Variants in CCDC66 observed in about 807,000 individuals in gnomAD.
CCDC66 encodes coiled-coil domain-containing protein 66.
CCDC66 carries 133 observed loss-of-function variants against 128.3 expected under a neutral mutation model. The ratio of observed to expected loss-of-function variants is 1.04; its 90% CI spans 0.90 to 1.20. The LOEUF (loss-of-function observed/expected upper bound fraction) is 1.20, where lower values mean the gene tolerates loss of function less well. Among genes scored for constraint, CCDC66 ranks in the 50% most tolerant of loss-of-function variants. The pLI is 0.00. For missense variants in CCDC66, 1,126 were observed against 1,075.5 expected (o/e 1.05, Z -0.66); for synonymous variants, 387 against 357.0 (o/e 1.08, Z -0.95).
At chr3:56,582,194 G>T (rs951951783) in intron 7 of CCDC66, among the ~76,000 whole-genome samples, 35 of 151,924 alleles carry the variant, frequency 2.3e-4, no homozygotes, top group African/African-American at 8.2e-4. Flanking sequence ...AGGCTCCGTG[G>T]GCGTGGGACC....
At chr3:56,596,711 A>G (rs369323622) in intron 10 of CCDC66, among the ~76,000 whole-genome samples, 10 of 149,738 alleles carry the variant, frequency 6.7e-5, no homozygotes, top group African/African-American at 2.5e-4. Flanking sequence ...TTCTTCTAGT[A>G]GGTTTACATT....
chr3:56,572,454 G>T, intron 7 of CCDC66: 1 of 1,148,810 alleles, frequency 8.7e-7, no homozygotes, highest in Non-Finnish European at 1.1e-6. Context: ...CAGTACTTTG[G>T]ATATTTAAAC....
At chr3:56,601,213 C>T (rs1577811188) in intron 10 of CCDC66, among the ~76,000 whole-genome samples, 1 of 152,006 alleles carries the variant, frequency 6.6e-6, no homozygotes, top group Non-Finnish European at 1.5e-5. Context: ...TTCCCAACAC[C>T]ATTTATGAAG....
chr3:56,603,535 C>T (rs1262858450), intron 10 of CCDC66, among the ~76,000 whole-genome samples: 3 of 151,832 alleles, frequency 2.0e-5, no homozygotes, highest in Middle Eastern at 3.2e-3. Flanking sequence ...GTCTTAATTT[C>T]GTTATTTACC....
intron 13 of CCDC66, chr3:56,616,793 T>C: frequency 4.2e-6 from 1 of 235,442 alleles, no homozygotes; most frequent in South Asian, 1.1e-4. Context: ...ATTCTCTATA[T>C]CCTTGCCAGC....
At position 56,620,279 on chromosome 3, in the gene CCDC66, GTGTT is replaced by G. The variant is rs533533100; in HGVS notation, c.2760+383_2760+386del. The G allele has an allele frequency of 2.5e-4, 39 of 157,150 alleles. No homozygotes were observed. The East Asian group carries it at 6.4e-3, about 26-fold the overall frequency. The allele number at this position is 157,150 out of a possible 1,614,324, so 9.7% of individuals were successfully genotyped here. A position where few individuals can be genotyped will look rare whatever the true frequency, so the allele number is the denominator to read the frequency against. ...TTTTTAAAAAATTGACGTGTTGGCA[GTGTT>G]TGTTAGAACATTGACGTACATCCCA... On this transcript the variant is annotated intron_variant, in intron 17 of 17. Coordinates refer to ENST00000394672, the MANE Select transcript of CCDC66 (RefSeq NM_001141947.3).
In CCDC66 at chr3:56,618,221, G is replaced by T; in HGVS notation, c.2378+9G>T. On this transcript the variant is annotated intron_variant, in intron 15 of 17. Transcript: ENST00000394672. ...TCATTCAGCAAGGAAAGGTAAGTAT[G>T]CATCAGATTAATTCCGCAGCTACTT... 1.9e-6 allele frequency: 3 copies of T among 1,611,110 alleles called. No homozygotes were observed. Among genetic ancestry groups the T allele is most frequent in the Non-Finnish European group, 2.5e-6 (3 of 1,177,450 alleles).
At chr3:56,616,484 G>GC (rs2075524665) in intron 13 of CCDC66, 1 of 172,790 alleles carries the variant, frequency 5.8e-6, no homozygotes, top group Non-Finnish European at 1.2e-5. Flanking sequence ...CCATGTTGTA[G>GC]CATGTGTCAG....
intron 14 of CCDC66, 53 bp from the exon 15 acceptor site, chr3:56,618,119 G>T: frequency 7.5e-7 from 1 of 1,339,798 alleles, no homozygotes; most frequent in Non-Finnish European, 1.1e-6. Flanking sequence ...TATTTGTGGG[G>T]ACATGTGAAG....
intron 6 of CCDC66, chr3:56,569,342 C>A (rs1365124885): frequency 2.9e-6 from 1 of 348,664 alleles, no homozygotes; most frequent in African/African-American, 2.1e-5. Context: ...ATGGTACCAG[C>A]ATCTCCTCGG....
chr3:56,593,131 GAAAA>G (rs2071240375), intron 8 of CCDC66, 30 bp downstream of exon 8: 1 of 1,499,276 alleles, frequency 6.7e-7, no homozygotes, highest in African/African-American at 1.4e-5. Flanking sequence ...GGCTATAAAA[GAAAA>G]AATAAAATCA....
chr3:56,580,594 A>G (rs1364596736), intron 7 of CCDC66, among the ~76,000 whole-genome samples: 12 of 151,758 alleles, frequency 7.9e-5, no homozygotes, highest in African/African-American at 2.9e-4. Flanking sequence ...AGCTCTTGTA[A>G]GGCAGGCCTG....
intron 3 of CCDC66, chr3:56,561,056 GTTTCTC>G (rs2065030004): frequency 2.4e-6 from 1 of 423,580 alleles, no homozygotes; most frequent in South Asian, 1.7e-5. Context: ...TATAAAAATT[GTTTCTC>G]TTTCTCTATC....
chr3:56,616,087 TTTAC>T (rs769581706), intron 13 of CCDC66, 34 bp downstream of exon 13: 41 of 1,549,722 alleles, frequency 2.6e-5, no homozygotes, highest in South Asian at 2.1e-4. Flanking sequence ...TGGTTTAAAA[TTTAC>T]TTAAAGTCAT....
chr3:56,574,054 A>AT (rs1385877254), intron 7 of CCDC66, among the ~76,000 whole-genome samples: 2 of 151,408 alleles, frequency 1.3e-5, no homozygotes, highest in African/African-American at 2.4e-5. Context: ...TTATTGGCTC[A>AT]TTTTTTTTAC....
chr3:56,565,706 G>A (rs1006620768), intron 4 of CCDC66, among the ~76,000 whole-genome samples: 5 of 149,368 alleles, frequency 3.3e-5, no homozygotes, highest in African/African-American at 9.9e-5. Context: ...TCGCTGCATC[G>A]CCCAGGCTGG....
At chr3:56,612,389 T>G (rs1048291771) in intron 10 of CCDC66, among the ~76,000 whole-genome samples, 4 of 152,136 alleles carry the variant, frequency 2.6e-5, no homozygotes, top group Non-Finnish European at 5.9e-5. Flanking sequence ...AATGGACCAG[T>G]CGTTAGGTTG....
Position 56,566,957 on chromosome 3 carries a change from G to T in CCDC66, c.718G>T (p.Glu240Ter). The stretch of plus-strand genomic sequence containing the variant: ...TTTTGTGTTTTACCTTAGAGAGAAT[G>T]AATGGAAACCAGCTGATATATTCAG... ...QCEQKIAIEN[E>*]WKPADIFSTL... The change falls in exon 6 of 18, where the codon GAA becomes TAA. Residue 240 changes from glutamate to a stop codon, truncating the protein, a stop_gained. Transcript: ENST00000394672. LOFTEE classifies it high-confidence loss of function. 6.2e-7 allele frequency: 1 copy of T among 1,613,106 alleles called. No individual in the cohort carries two copies. Among genetic ancestry groups the T allele is most frequent in the South Asian group, 1.1e-5 (1 of 90,952 alleles).
chr3:56,564,167 A>G (rs992938109), intron 4 of CCDC66, 42 bp downstream of exon 4: 31 of 1,475,264 alleles, frequency 2.1e-5, no homozygotes, highest in Middle Eastern at 3.6e-4. Context: ...GATTTTTTCA[A>G]TATGTGTTTT....
Sources: gnomAD v4.1 joint callset for allele counts (sites outside exome capture counted in the v4.1 genomes callset) on GRCh38, gnomAD v4.1.1 for gene constraint, MANE v1.5 for transcripts, NCBI Gene and HGNC (gene_info 2026-07-23, HGNC 2026-07-21) for gene names.